Variants in CHID1 observed in about 807,000 individuals in gnomAD.
CHID1 encodes the protein chitinase domain-containing protein 1.
A neutral mutation model predicts 55.4 loss-of-function variants in CHID1; 44 were observed. The observed-to-expected ratio is 0.79, with a 90% CI of 0.62 to 1.02. The LOEUF is 1.02. CHID1 is among the 50% of genes least tolerant of loss of function. The probability of loss-of-function intolerance (pLI) is 0.00; values close to 1 mark genes in which losing one functional copy is unlikely to be tolerated. For synonymous variants in CHID1, 216 were observed against 212.9 expected (o/e 1.01, Z -0.13); for missense variants, 491 against 515.3 (o/e 0.95, Z 0.46).
chr11:878,668 A>G (rs1849679600), intron 10 of CHID1, among the ~76,000 whole-genome samples: 1 of 152,308 alleles, frequency 6.6e-6, no homozygotes, highest in African/African-American at 2.4e-5. Context: ...AGTGCCTCAG[A>G]GTAGCACTAT....
chr11:895,708 G>A (rs1163608395), intron 7 of CHID1, among the ~76,000 whole-genome samples: 11 of 152,156 alleles, frequency 7.2e-5, no homozygotes, highest in Admixed American at 7.2e-4. Flanking sequence ...GCATGGGACC[G>A]AACCTGCTGA....
chr11:872,584 A>G (rs924202508), intron 10 of CHID1, among the ~76,000 whole-genome samples: 2 of 152,158 alleles, frequency 1.3e-5, no homozygotes, highest in Non-Finnish European at 2.9e-5. Flanking sequence ...ACATGCAAAC[A>G]TGGTCCTTCC....
intron 1 of CHID1, among the ~76,000 whole-genome samples, chr11:910,063 A>C (rs1167216182): frequency 6.6e-6 from 1 of 152,122 alleles, no homozygotes; most frequent in Non-Finnish European, 1.5e-5. Flanking sequence ...TGTCTCAAAA[A>C]AAAAAAAAAA....
chr11:912,640 C>T (rs1218696152), upstream of CHID1, among the ~76,000 whole-genome samples: 2 of 151,996 alleles, frequency 1.3e-5, no homozygotes, highest in East Asian at 3.9e-4. Context: ...GTCAGGAGAT[C>T]GAGACCATCC....
At chr11:893,872 C>T (rs563855896) in intron 7 of CHID1, among the ~76,000 whole-genome samples, 9 of 151,900 alleles carry the variant, frequency 5.9e-5, no homozygotes, top group South Asian at 2.1e-4. Context: ...TGGCTCACGC[C>T]GGTAATCCCA....
chr11:902,461 A>G (rs1851890719), intron 3 of CHID1, 131 bp from the exon 4 acceptor site: 23 of 975,616 alleles, frequency 2.4e-5, no homozygotes, highest in Non-Finnish European at 3.2e-5. Flanking sequence ...CCGGACTGAC[A>G]TCAGCTCCTG....
intron 1 of CHID1, among the ~76,000 whole-genome samples, chr11:905,427 T>C (rs1207930307): frequency 6.6e-6 from 1 of 152,138 alleles, no homozygotes; most frequent in Non-Finnish European, 1.5e-5. Context: ...CAACACTTAA[T>C]GGGAGGCTGA....
chr11:911,789 C>T (rs1405604857), upstream of CHID1, among the ~76,000 whole-genome samples: 1 of 152,204 alleles, frequency 6.6e-6, no homozygotes, highest in Non-Finnish European at 1.5e-5. Context: ...TGGGCTCTTA[C>T]TCAGCTTAGC....
chr11:904,662 C>T (rs745743398), intron 2 of CHID1, 44 bp downstream of exon 2: 3 of 1,609,098 alleles, frequency 1.9e-6, no homozygotes, highest in African/African-American at 2.7e-5. Context: ...GATGGATCAG[C>T]CCTCAGCCAG....
intron 10 of CHID1, among the ~76,000 whole-genome samples, chr11:880,576 C>A (rs990262585): frequency 5.9e-5 from 9 of 152,134 alleles, no homozygotes; most frequent in African/African-American, 1.9e-4. Context: ...GGAGGCCGGG[C>A]AGGGAACACT....
At position 893,530 on chromosome 11, in the gene CHID1, CGA is replaced by C. The variant is rs539556810; in HGVS notation, c.609-13_609-12del. 1.6e-4 allele frequency: 253 copies of C among 1,544,366 alleles called. 2 individuals carry two copies. The South Asian group carries it at 1.7e-3, about 10-fold the overall frequency. On this transcript the variant is annotated splice_polypyrimidine_tract_variant and intron_variant, in intron 7 of 12. Coordinates refer to ENST00000323578, the MANE Select transcript of CHID1 (RefSeq NM_023947.4). ...ATGTGGATGAGGCCCCTGCAAGAAC[CGA>C]GAGATGGGGTCAGCAGTGCCTGGCA...
chr11:888,685 C>T (rs1453537542), intron 8 of CHID1, among the ~76,000 whole-genome samples: 3 of 152,208 alleles, frequency 2.0e-5, no homozygotes, highest in Non-Finnish European at 4.4e-5. Context: ...AGCCAGCTGC[C>T]GACCCTCCCA....
At chr11:914,436 G>T, upstream of CHID1, 2 of 964,492 alleles carry the variant, frequency 2.1e-6, no homozygotes, top group Non-Finnish European at 2.9e-6. Context: ...AGTAGGGCAG[G>T]GGCAGGCCGG....
chr11:902,069 GAC>G (rs1273062441), intron 4 of CHID1, 127 bp downstream of exon 4: 323 of 975,048 alleles, frequency 3.3e-4, no homozygotes, highest in Non-Finnish European at 3.9e-4. Context: ...ATCACGCAGA[GAC>G]ACACACACAC....
At chr11:899,047 GTCC>G (rs1338832583) in intron 7 of CHID1, among the ~76,000 whole-genome samples, 3 of 152,274 alleles carry the variant, frequency 2.0e-5, no homozygotes, top group Non-Finnish European at 4.4e-5. Flanking sequence ...ATGAATGAGG[GTCC>G]TCGAGTTCCT....
chr11:902,874 C>A (rs1358086882), intron 3 of CHID1, 88 bp downstream of exon 3: 8 of 1,292,882 alleles, frequency 6.2e-6, no homozygotes, highest in Admixed American at 4.0e-5. Context: ...ACCCCCATCA[C>A]TGACTGGCCA....
chr11:900,028 G>A lies in CHID1; in HGVS notation c.522C>T (p.Ser174=), dbSNP rs1330686216. 1.2e-6 allele frequency: 2 copies of A among 1,613,970 alleles called. No homozygotes were observed. Among genetic ancestry groups the A allele is most frequent in the Admixed American group, 1.7e-5 (1 of 60,024 alleles). ...CCTTTGCCACCTGGACCACGGTCTT[G>A]CTCAGCTCCTCTATCTCATCCTCAC... ...LDSEDEIEEL[S]KTVVQVAKNQ... The change falls in exon 6 of 13, where the codon AGC becomes AGT. Residue 174 remains serine (S), a synonymous_variant. Transcript: ENST00000323578.
At chr11:895,007 G>A (rs749453808) in intron 7 of CHID1, among the ~76,000 whole-genome samples, 16 of 152,150 alleles carry the variant, frequency 1.1e-4, no homozygotes, top group Non-Finnish European at 1.5e-4. Flanking sequence ...TGGGCAGCCC[G>A]TCCTCACGCC....
intron 8 of CHID1, among the ~76,000 whole-genome samples, chr11:890,091 G>A (rs1228927717): frequency 3.3e-5 from 5 of 152,292 alleles, no homozygotes; most frequent in East Asian, 1.9e-4. Context: ...GCCCCCTCAC[G>A]ATGGCTGCTC....
Sources: gnomAD v4.1 joint callset for allele counts (sites outside exome capture counted in the v4.1 genomes callset) on GRCh38, gnomAD v4.1.1 for gene constraint, MANE v1.5 for transcripts, NCBI Gene and HGNC (gene_info 2026-07-23, HGNC 2026-07-21) for gene names.